Variants in PAPSS1 observed in about 807,000 individuals in gnomAD.
The protein encoded by PAPSS1 is 3'-phosphoadenosine 5'-phosphosulfate synthase 1, also known as bifunctional 3'-phosphoadenosine 5'-phosphosulfate synthase 1.
A neutral mutation model predicts 72.0 loss-of-function variants in PAPSS1; 50 were observed. The ratio of observed to expected loss-of-function variants is 0.69; its 90% CI spans 0.55 to 0.88. PAPSS1 has a LOEUF of 0.88. Among genes scored for constraint, PAPSS1 ranks in the 40% least tolerant of loss-of-function variants. The pLI, the probability that PAPSS1 is intolerant of heterozygous loss-of-function variation, is 0.00. For synonymous variants in PAPSS1, 261 were observed against 263.6 expected, an observed-to-expected ratio of 0.99 and a Z score of 0.09; for missense variants, 657 against 782.2, an observed-to-expected ratio of 0.84 and a Z score of 1.91.
intron 5 of PAPSS1, among the ~76,000 whole-genome samples, chr4:107,662,931 G>A (rs141077093): frequency 6.6e-6 from 1 of 152,310 alleles, no homozygotes; most frequent in East Asian, 1.9e-4. Flanking sequence ...TGTGCATTAA[G>A]TGAACTACAC....
intron 2 of PAPSS1, among the ~76,000 whole-genome samples, chr4:107,700,563 T>C (rs1433463033): frequency 6.6e-6 from 1 of 152,196 alleles, no homozygotes; most frequent in Non-Finnish European, 1.5e-5. Context: ...GGAAACTTAA[T>C]CCTCAATGCA....
chr4:107,647,974 C>T (rs554228025), intron 9 of PAPSS1, among the ~76,000 whole-genome samples: 81 of 152,162 alleles, frequency 5.3e-4, no homozygotes, highest in Non-Finnish European at 1.1e-3. Flanking sequence ...CATTACCTAC[C>T]TCTTTCCCTC....
chr4:107,648,462 A>T (rs1726750272), intron 9 of PAPSS1, among the ~76,000 whole-genome samples: 1 of 152,180 alleles, frequency 6.6e-6, no homozygotes, highest in African/African-American at 2.4e-5. Context: ...TCTAAATCCT[A>T]GTCAATCTTC....
chr4:107,630,228 A>G (rs1302527529), intron 11 of PAPSS1, among the ~76,000 whole-genome samples: 1 of 152,188 alleles, frequency 6.6e-6, no homozygotes, highest in African/African-American at 2.4e-5. Flanking sequence ...TAAAGTTTAC[A>G]TTTTTTATTT....
At chr4:107,639,074 C>T (rs146226369) in intron 10 of PAPSS1, among the ~76,000 whole-genome samples, 120 of 152,208 alleles carry the variant, frequency 7.9e-4, no homozygotes, top group African/African-American at 2.8e-3. Context: ...TCAGGAAAAC[C>T]TGAAAAATCA....
At chr4:107,673,116 C>A (rs532147184) in intron 5 of PAPSS1, among the ~76,000 whole-genome samples, 12 of 152,284 alleles carry the variant, frequency 7.9e-5, no homozygotes, top group Admixed American at 2.6e-4. Flanking sequence ...GGGGAAAAAA[C>A]AGAGCAGAAA....
chr4:107,713,399 A>C (rs540400223), intron 1 of PAPSS1, among the ~76,000 whole-genome samples: 12 of 152,114 alleles, frequency 7.9e-5, no homozygotes, highest in Admixed American at 5.9e-4. Flanking sequence ...AATGTTCTAA[A>C]ATTAGATTCT....
chr4:107,633,102 T>C (rs953769954), intron 10 of PAPSS1, among the ~76,000 whole-genome samples: 1 of 152,222 alleles, frequency 6.6e-6, no homozygotes, highest in Non-Finnish European at 1.5e-5. Context: ...TTACACTTTG[T>C]TATGACTGTT....
chr4:107,633,733 C>G (rs574330090), intron 10 of PAPSS1, among the ~76,000 whole-genome samples: 102 of 151,964 alleles, frequency 6.7e-4, no homozygotes, highest in Non-Finnish European at 1.3e-3. Context: ...TCCTGGCTAA[C>G]ACGGTGAAAC....
intron 5 of PAPSS1, among the ~76,000 whole-genome samples, chr4:107,666,070 C>G (rs1010343403): frequency 6.6e-6 from 1 of 152,168 alleles, no homozygotes; most frequent in Non-Finnish European, 1.5e-5. Context: ...AAACTACATG[C>G]ATCCAAAGCA....
At position 107,631,797 on chromosome 4, in the gene PAPSS1, G is replaced by GCAT; in HGVS notation, c.1569_1570insATG (p.Asp523_Pro524insMet). 6.2e-7 allele frequency: 1 copy of GCAT among 1,614,008 alleles called. No homozygotes were observed. Among genetic ancestry groups the GCAT allele is most frequent in the South Asian group, 1.1e-5 (1 of 91,076 alleles). ...GTTTCTGGATGAGGCATGCCAGCAG[G>GCAT]GTCTCGTCCAACAATGTAAAAGTTG... On this transcript the variant is annotated inframe_insertion, in exon 11 of 12. Coordinates refer to ENST00000265174, the MANE Select transcript of PAPSS1 (RefSeq NM_005443.5).
chr4:107,705,674 T>C (rs1027940741), intron 1 of PAPSS1, among the ~76,000 whole-genome samples: 3 of 152,224 alleles, frequency 2.0e-5, no homozygotes, highest in African/African-American at 7.2e-5. Flanking sequence ...CTATTGTTAA[T>C]TGTCTTTTAA....
At chr4:107,665,227 A>G (rs1727284997) in intron 5 of PAPSS1, among the ~76,000 whole-genome samples, 1 of 152,240 alleles carries the variant, frequency 6.6e-6, no homozygotes, top group Admixed American at 6.5e-5. Context: ...GAATATAAAA[A>G]GAATCTTAAA....
chr4:107,682,210 C>A, intron 4 of PAPSS1, 77 bp from the exon 5 acceptor site: 1 of 728,384 alleles, frequency 1.4e-6, no homozygotes, highest in South Asian at 1.9e-5. Context: ...CAGATCTCTG[C>A]TACATTGAAG....
chr4:107,619,737 C>A (rs1725909483), intron 11 of PAPSS1, among the ~76,000 whole-genome samples: 1 of 152,158 alleles, frequency 6.6e-6, no homozygotes, highest in Non-Finnish European at 1.5e-5. Context: ...ATTAGTTAAC[C>A]AATCTTCTAT....
chr4:107,697,758 G>A (rs1200695991), intron 2 of PAPSS1, among the ~76,000 whole-genome samples: 1 of 152,178 alleles, frequency 6.6e-6, no homozygotes, highest in Non-Finnish European at 1.5e-5. Flanking sequence ...CTACTGGGTT[G>A]AATAGTGTTC....
intron 2 of PAPSS1, among the ~76,000 whole-genome samples, chr4:107,698,550 T>C (rs898805028): frequency 1.1e-4 from 16 of 152,154 alleles, no homozygotes; most frequent in Non-Finnish European, 2.1e-4. Flanking sequence ...GGCAAACCAC[T>C]GCCTCCATGA....
intron 11 of PAPSS1, among the ~76,000 whole-genome samples, chr4:107,615,382 T>C (rs1388342141): frequency 1.3e-5 from 2 of 152,214 alleles, no homozygotes; most frequent in African/African-American, 2.4e-5. Context: ...TTGGCAGTTC[T>C]ATGTTCCTTC....
chr4:107,707,183 C>A (rs1723359685), intron 1 of PAPSS1, among the ~76,000 whole-genome samples: 1 of 152,164 alleles, frequency 6.6e-6, no homozygotes, highest in Non-Finnish European at 1.5e-5. Context: ...CTGGGGCAGA[C>A]CTGAAGCCCA....
Sources: allele counts gnomAD v4.1 joint callset (sites outside exome capture counted in the v4.1 genomes callset), GRCh38; gene constraint gnomAD v4.1.1; transcripts MANE v1.5; gene names NCBI Gene and HGNC (gene_info 2026-07-23, HGNC 2026-07-21).